EXOG: variants seen among roughly 807,000 people sequenced by gnomAD.
EXOG encodes nuclease EXOG, mitochondrial.
EXOG carries 27 observed loss-of-function variants against 25.8 expected under a neutral mutation model. The ratio of observed to expected loss-of-function variants is 1.05; its 90% confidence interval spans 0.77 to 1.45. EXOG has a LOEUF of 1.45. Among genes scored for constraint, EXOG ranks in the 40% most tolerant of loss-of-function variants. EXOG has a pLI of 0.00. For synonymous variants in EXOG, 133 were observed against 167.0 expected, an observed-to-expected ratio of 0.80 and a Z score of 1.57; for missense variants, 458 against 450.5, an observed-to-expected ratio of 1.02 and a Z score of -0.15.
In EXOG at chr3:38,514,740, T is replaced by G. The variant is rs191769108; in HGVS notation, c.645+7772T>G. On this transcript the variant is annotated intron_variant, in intron 5 of 5. Transcript: ENST00000287675. ...TTCCTCTTTCCCCTTAAATATTATC[T>G]TAAATCCCTCTTTTCCACCCTCCCC... Among the ~76,000 whole-genome samples, 1,204 of 151,498 alleles carry G rather than the reference T, an allele frequency of 7.9e-3. 7 individuals carry two copies. The highest frequency in any genetic ancestry group is 0.013 in the Non-Finnish European group (911 of 67,888).
chr3:38,505,488 A>G (rs2060176215), intron 4 of EXOG: 1 of 152,214 alleles, frequency 6.6e-6, no homozygotes, highest in Non-Finnish European at 1.5e-5. Flanking sequence ...TTTTAAGGCC[A>G]GTCAAGTGAA....
chr3:38,509,774 A>G (rs1242252596), intron 5 of EXOG, among the ~76,000 whole-genome samples: 4 of 152,234 alleles, frequency 2.6e-5, no homozygotes, highest in African/African-American at 2.4e-5. Flanking sequence ...TTATAAACCT[A>G]TTGAATTAAA....
In EXOG at chr3:38,525,606, T is replaced by G; in HGVS notation, c.*1244T>G. The G allele has an allele frequency of 1.0e-6, 1 of 985,442 alleles. No homozygotes were observed. The highest frequency in any genetic ancestry group is 1.2e-6 in the Non-Finnish European group (1 of 829,948). The allele number at this position is 985,442 out of a possible 1,614,324, so 61.0% of individuals were successfully genotyped here. ...AGATACTGCCAAATTGATGTGTTCT[T>G]GCTTTCCAGGTGAGCTTTTTGTTCT... On this transcript the variant is annotated 3_prime_UTR_variant, in exon 6 of 6. Transcript: ENST00000287675.
In EXOG at chr3:38,526,291, A is replaced by G. The variant is rs2060867921; in HGVS notation, c.*1929A>G. ...AATGCCAAGGCTTTCAGATAAAGAT[A>G]AGATGATAATGATTGACATTGTTCT... On this transcript the variant is annotated 3_prime_UTR_variant, in exon 6 of 6. Transcript: ENST00000287675. The G allele has an allele frequency of 1.0e-6, 1 of 972,050 alleles. No individual in the cohort carries two copies. The highest frequency in any genetic ancestry group is 6.2e-5 in the Admixed American group (1 of 16,246). 60.2% of individuals were successfully genotyped at this position (972,050 alleles called of 1,614,324 possible). A position where few individuals can be genotyped will look rare whatever the true frequency, so the allele number is the denominator to read the frequency against.
intron 1 of EXOG, 24 bp downstream of exon 1, chr3:38,496,554 C>G (rs779464079): frequency 1.3e-6 from 2 of 1,596,656 alleles, no homozygotes; most frequent in Non-Finnish European, 1.7e-6. Context: ...CCCGTCCTCC[C>G]TTCGCTGGCC....
chr3:38,519,215 T>C (rs938567389), intron 5 of EXOG: 13 of 152,198 alleles, frequency 8.5e-5, no homozygotes, highest in African/African-American at 2.9e-4. Context: ...TTATCAGAAG[T>C]GAGTCATCTG....
intron 5 of EXOG, among the ~76,000 whole-genome samples, chr3:38,509,132 A>G (rs572391899): frequency 6.6e-5 from 10 of 152,320 alleles, no homozygotes; most frequent in Non-Finnish European, 1.2e-4. Flanking sequence ...TCAAATATTA[A>G]TTATTCTTGG....
chr3:38,507,106 T>G (rs1331664178), intron 5 of EXOG, 138 bp downstream of exon 5: 1 of 501,920 alleles, frequency 2.0e-6, no homozygotes, highest in Non-Finnish European at 3.6e-6. Flanking sequence ...TTCAACAATA[T>G]TTATTGAACA....
rs76444266 is a variant in EXOG, at chr3:38,525,821, G to A, written c.*1459G>A. The A allele has an allele frequency of 5.7e-6, 2 of 347,908 alleles. No individual in the cohort carries two copies. The highest frequency in any genetic ancestry group is 2.2e-5 in the African/African-American group (1 of 44,970). The allele number at this position is 347,908 out of a possible 1,614,324, so 21.6% of individuals were successfully genotyped here. ...TAGCTGGGCGTGGTGGTGCACACCT[G>A]TAGTCCCAGCTACTCGGGAGGCTGA... On this transcript the variant is annotated 3_prime_UTR_variant, in exon 6 of 6. Coordinates refer to ENST00000287675, the MANE Select transcript of EXOG (RefSeq NM_005107.4).
At chr3:38,497,821 A>G in intron 2 of EXOG, 43 bp downstream of exon 2, 3 of 1,562,544 alleles carry the variant, frequency 1.9e-6, no homozygotes, top group Non-Finnish European at 2.6e-6. Context: ...GTATTTATGA[A>G]AGATGTCTCC....
At chr3:38,496,750 T>G in intron 1 of EXOG, 2 of 1,442,348 alleles carry the variant, frequency 1.4e-6, no homozygotes, top group Middle Eastern at 1.8e-4. Flanking sequence ...GGCATCTTCG[T>G]TTTCTGCACA....
rs533162482 is a variant in EXOG at position 38,501,868 on chromosome 3, CTT to C, written c.453+375_453+376del. On this transcript the variant is annotated intron_variant, in intron 3 of 5. Transcript: ENST00000287675. ...TCAAGCAATTCCTGTGCCTCAGCCT[CTT>C]GAGTGGCTGGGATTACAGGGGTGCG... Among the ~76,000 whole-genome samples the C allele has an allele frequency of 2.0e-4, 31 of 152,288 alleles. 1 individual carries two copies. In the East Asian group the frequency reaches 5.8e-3, roughly 28 times the overall value.
chr3:38,517,449 G>A (rs759133803), intron 5 of EXOG, among the ~76,000 whole-genome samples: 2 of 152,176 alleles, frequency 1.3e-5, no homozygotes, highest in Admixed American at 6.5e-5. Context: ...CTTGGCCATC[G>A]GCCATTTCTC....
At chr3:38,517,802 C>T (rs901754326) in intron 5 of EXOG, among the ~76,000 whole-genome samples, 3 of 152,184 alleles carry the variant, frequency 2.0e-5, no homozygotes, top group Admixed American at 2.0e-4. Context: ...CTTCACGAAT[C>T]CATATTTCTG....
chr3:38,498,032 C>T (rs2059944951), intron 2 of EXOG: 2 of 402,976 alleles, frequency 5.0e-6, no homozygotes, highest in East Asian at 5.5e-5. Flanking sequence ...AATATTACAG[C>T]AATGAGCACC....
intron 1 of EXOG, 113 bp downstream of exon 1, chr3:38,496,643 T>C: frequency 6.7e-7 from 1 of 1,485,608 alleles, no homozygotes; most frequent in Non-Finnish European, 8.9e-7. Context: ...GCTGGGCCCC[T>C]AGCCTGGCCC....
Position 38,521,585 on chromosome 3 carries a change from T to C in EXOG, c.646-2316T>C, listed in dbSNP as rs566941945. Among the ~76,000 whole-genome samples, 3 of 152,264 alleles carry C rather than the reference T, an allele frequency of 2.0e-5. No homozygotes were observed. In the East Asian group the frequency reaches 5.8e-4, roughly 29 times the overall value. ...GCAGTGATGGGGAATGTCCACAAGG[T>C]GGCGCAAAGACTTTGTTTAACTGCT... is the stretch of plus-strand genomic sequence containing the variant. On this transcript the variant is annotated intron_variant, in intron 5 of 5. Transcript: ENST00000287675.
intron 1 of EXOG, chr3:38,496,973 A>G: frequency 9.1e-7 from 1 of 1,097,936 alleles, no homozygotes; most frequent in Non-Finnish European, 1.1e-6. Context: ...ATTTTAGTAG[A>G]TGAGTTAACT....
intron 5 of EXOG, among the ~76,000 whole-genome samples, chr3:38,512,283 G>T (rs904010427): frequency 9.2e-5 from 14 of 152,018 alleles, no homozygotes; most frequent in African/African-American, 3.4e-4. Flanking sequence ...TGATAAAAAT[G>T]CTAAATCTTA....
Sources: gnomAD v4.1 joint callset for allele counts (sites outside exome capture counted in the v4.1 genomes callset) on GRCh38, gnomAD v4.1.1 for gene constraint, MANE v1.5 for transcripts, NCBI Gene and HGNC (gene_info 2026-07-23, HGNC 2026-07-21) for gene names.